DLC1: variants seen among roughly 807,000 people sequenced by gnomAD.
The protein encoded by DLC1 is rho GTPase-activating protein 7.
Under a neutral mutation model 140.3 loss-of-function variants are expected in DLC1, and 54 were observed. The observed-to-expected ratio is 0.38, with a 90% CI of 0.31 to 0.48. The LOEUF (loss-of-function observed/expected upper bound fraction) is 0.48. Ranked by LOEUF, DLC1 falls within the 20% of genes least tolerant of loss-of-function variation. The pLI is 0.96. For missense variants in DLC1, 2,536 were observed against 1,907.0 expected, an observed-to-expected ratio of 1.33 and a Z score of -6.14; for synonymous variants, 986 against 728.1, an observed-to-expected ratio of 1.35 and a Z score of -5.70.
intron 5 of DLC1, among the ~76,000 whole-genome samples, chr8:13,186,575 T>G (rs1165399744): frequency 6.6e-6 from 1 of 152,178 alleles, no homozygotes; most frequent in African/African-American, 2.4e-5. Context: ...GATTTTAGTT[T>G]CCTTGCAATG....
chr8:13,432,942 CTTTTTTT>C (rs35776848), intron 2 of DLC1, among the ~76,000 whole-genome samples: 6 of 93,018 alleles, frequency 6.5e-5, no homozygotes, highest in Admixed American at 1.4e-4. Context: ...TCCTCTCTTC[CTTTTTTT>C]TTTTTTTTTT....
At chr8:13,485,215 T>C (rs2117136772) in intron 2 of DLC1, among the ~76,000 whole-genome samples, 1 of 152,308 alleles carries the variant, frequency 6.6e-6, no homozygotes, top group Admixed American at 6.5e-5. Flanking sequence ...AGAGACTGAC[T>C]TTTATTTTTC....
rs868030083 is a variant in DLC1, at chr8:13,090,565, G to T, written c.3856-95C>A. The T allele has an allele frequency of 1.2e-5, 17 of 1,433,380 alleles. 1 individual carries two copies. The highest frequency in any genetic ancestry group is 2.5e-4 in the Middle Eastern group (1 of 3,978). 88.8% of individuals were successfully genotyped at this position (1,433,380 alleles called of 1,614,324 possible). A position where few individuals can be genotyped will look rare whatever the true frequency, so the allele number is the denominator to read the frequency against. On this transcript the variant is annotated intron_variant, in intron 14 of 17. Transcript: ENST00000276297. ...AAAGACTGGGTAGGAACAATGGCCT[G>T]GTCCTTAAAGCAGTGCAGGCATCTT...
chr8:13,442,673 T>C (rs536322588), intron 2 of DLC1, among the ~76,000 whole-genome samples: 1 of 152,290 alleles, frequency 6.6e-6, no homozygotes, highest in African/African-American at 2.4e-5. Flanking sequence ...TCACACCAGT[T>C]AAAATGACAA....
intron 5 of DLC1, among the ~76,000 whole-genome samples, chr8:13,303,923 T>G (rs1472829137): frequency 1.3e-5 from 2 of 152,232 alleles, no homozygotes; most frequent in African/African-American, 2.4e-5. Flanking sequence ...ACTCTCTGCC[T>G]TCCTGTCTCC....
At chr8:13,553,265 TCTTA>T (rs1207270817) in intron 1 of DLC1, among the ~76,000 whole-genome samples, 1 of 138,044 alleles carries the variant, frequency 7.2e-6, no homozygotes, top group Non-Finnish European at 1.6e-5. Context: ...TCACCTTTCT[TCTTA>T]CTGTTTTAGA....
At chr8:13,470,630 A>C (rs528998162) in intron 2 of DLC1, among the ~76,000 whole-genome samples, 2 of 152,316 alleles carry the variant, frequency 1.3e-5, no homozygotes, top group East Asian at 3.9e-4. Context: ...GGAGAAAAGG[A>C]AACTTTTGTA....
intron 4 of DLC1, among the ~76,000 whole-genome samples, chr8:13,316,457 C>T (rs896921372): frequency 6.6e-6 from 1 of 151,914 alleles, no homozygotes; most frequent in Non-Finnish European, 1.5e-5. Flanking sequence ...ACTTTAACAA[C>T]TTTCTTAACC....
At chr8:13,343,180 G>T (rs1263929808) in intron 4 of DLC1, among the ~76,000 whole-genome samples, 2 of 152,202 alleles carry the variant, frequency 1.3e-5, no homozygotes, top group African/African-American at 4.8e-5. Context: ...TGATTCTTCA[G>T]TGATTTGATT....
intron 1 of DLC1, chr8:13,566,719 A>G: frequency 2.2e-6 from 1 of 458,242 alleles, no homozygotes; most frequent in Non-Finnish European, 3.9e-6. Flanking sequence ...AGGAGTGCAG[A>G]AGACAGGGCA....
chr8:13,465,663 C>T (rs1055893364), intron 2 of DLC1, among the ~76,000 whole-genome samples: 1 of 151,992 alleles, frequency 6.6e-6, no homozygotes, highest in South Asian at 2.1e-4. Context: ...TTGCTAATTT[C>T]TACTGTCATT....
chr8:13,413,499 CATATATAT>C (rs35967766), intron 2 of DLC1, among the ~76,000 whole-genome samples: 1 of 149,728 alleles, frequency 6.7e-6, no homozygotes, highest in African/African-American at 2.5e-5. Flanking sequence ...TGTGTGCACA[CATATATAT>C]ATATATACAC....
At chr8:13,579,737 G>T (rs961723535) in intron 1 of DLC1, among the ~76,000 whole-genome samples, 2 of 150,084 alleles carry the variant, frequency 1.3e-5, no homozygotes, top group South Asian at 2.1e-4. Flanking sequence ...AGCAATAGCG[G>T]CTTAGGTAGC....
At chr8:13,262,110 T>C (rs147845359) in intron 5 of DLC1, among the ~76,000 whole-genome samples, 64 of 152,272 alleles carry the variant, frequency 4.2e-4, no homozygotes, top group African/African-American at 1.5e-3. Flanking sequence ...TAAGGGACAG[T>C]GTGAGTTCTA....
At chr8:13,273,440 G>T (rs563668665) in intron 5 of DLC1, among the ~76,000 whole-genome samples, 16 of 152,124 alleles carry the variant, frequency 1.1e-4, no homozygotes, top group Non-Finnish European at 2.4e-4. Flanking sequence ...AAACTCCTGT[G>T]GGATGTAACT....
chr8:13,156,226 T>C (rs1029501067), intron 5 of DLC1, among the ~76,000 whole-genome samples: 14 of 152,310 alleles, frequency 9.2e-5, no homozygotes, highest in Non-Finnish European at 8.8e-5. Flanking sequence ...TTTCAACCCT[T>C]ACTCCAAGCT....
intron 4 of DLC1, among the ~76,000 whole-genome samples, chr8:13,332,887 T>G (rs571957500): frequency 1.3e-5 from 2 of 152,166 alleles, no homozygotes; most frequent in Non-Finnish European, 2.9e-5. Flanking sequence ...ACTGAGTCAC[T>G]GCTGAAATAG....
At chr8:13,143,057 A>G (rs1180613779) in intron 5 of DLC1, among the ~76,000 whole-genome samples, 1 of 151,852 alleles carries the variant, frequency 6.6e-6, no homozygotes, top group African/African-American at 2.4e-5. Flanking sequence ...AAAAAAAAAA[A>G]AGGCAGAATT....
chr8:13,207,809 C>A (rs766814345), intron 5 of DLC1, among the ~76,000 whole-genome samples: 1 of 152,118 alleles, frequency 6.6e-6, no homozygotes, highest in Non-Finnish European at 1.5e-5. Flanking sequence ...ATGTACAGTT[C>A]TCCACGACAA....
Sources: gnomAD v4.1 joint callset for allele counts (sites outside exome capture counted in the v4.1 genomes callset) on GRCh38, gnomAD v4.1.1 for gene constraint, MANE v1.5 for transcripts, NCBI Gene and HGNC (gene_info 2026-07-23, HGNC 2026-07-21) for gene names.